RARB: variants seen among roughly 807,000 people sequenced by gnomAD.
RARB encodes the protein HBV-activated protein.
A neutral mutation model predicts 51.9 loss-of-function variants in RARB; 17 were observed. The ratio of observed to expected loss-of-function variants is 0.33; its 90% CI spans 0.22 to 0.49. The LOEUF is 0.49. RARB is among the 20% of genes least tolerant of loss of function. The pLI is 0.99. For synonymous variants in RARB, 215 were observed against 195.4 expected (o/e 1.10, Z -0.84); for missense variants, 369 against 550.8 (o/e 0.67, Z 3.30).
intron 5 of RARB, among the ~76,000 whole-genome samples, chr3:25,390,111 G>A (rs1006515938): frequency 3.3e-5 from 5 of 152,102 alleles, no homozygotes; most frequent in African/African-American, 4.8e-5. Context: ...CTTAATCACC[G>A]ATATGATGAC....
Position 24,900,601 on chromosome 3 carries a change from TTAA to T in RARB, c.-380+41854_-380+41856del, listed in dbSNP as rs151299294. Reference sequence around the variant, plus strand: ...CATGTTGGGCACAGTATTGTTTTGCTTAATAATTATCTAATTTGCCAAAGCTTG... The same window carrying T: ...CATGTTGGGCACAGTATTGTTTTGCTTAATTATCTAATTTGCCAAAGCTTG... On this transcript the variant is annotated intron_variant, in intron 2 of 11. Coordinates refer to the RARB transcript ENST00000383772. Among the ~76,000 whole-genome samples, 980 of 152,340 alleles carry T rather than the reference TTAA, an allele frequency of 6.4e-3. 11 individuals carry two copies. The highest frequency in any genetic ancestry group is 0.022 in the African/African-American group (913 of 41,582).
At chr3:24,886,871 T>C (rs111474243) in intron 2 of RARB, among the ~76,000 whole-genome samples, 2 of 152,348 alleles carry the variant, frequency 1.3e-5, no homozygotes, top group South Asian at 2.1e-4. Context: ...ATTAAGCTTT[T>C]AGGGTCCACA....
intron 5 of RARB, among the ~76,000 whole-genome samples, chr3:25,305,675 G>A (rs1176619488): frequency 1.3e-5 from 2 of 152,112 alleles, no homozygotes; most frequent in Non-Finnish European, 2.9e-5. Context: ...CCTGAGCCAT[G>A]GTGTCCACGA....
intron 5 of RARB, among the ~76,000 whole-genome samples, chr3:25,340,103 A>C (rs1705185754): frequency 6.6e-6 from 1 of 152,130 alleles, no homozygotes; most frequent in Non-Finnish European, 1.5e-5. Context: ...GATGAACATC[A>C]CTGATAGTAA....
At chr3:25,565,645 G>A (rs1405448356) in intron 3 of RARB, among the ~76,000 whole-genome samples, 2 of 152,136 alleles carry the variant, frequency 1.3e-5, no homozygotes, top group African/African-American at 4.8e-5. Context: ...CCACTGCGAT[G>A]GCTTCTCCAA....
In RARB at chr3:25,294,581, G is replaced by A. The variant is rs182596747; in HGVS notation, c.178+120006G>A. 5.1e-4 allele frequency among the ~76,000 whole-genome samples: 78 copies of A among 152,250 alleles called. 1 individual carries two copies. The highest frequency in any genetic ancestry group is 2.4e-3 in the Admixed American group (36 of 15,286). On this transcript the variant is annotated intron_variant, in intron 5 of 11. Transcript: ENST00000383772. ...GCTGAAGGGACTACAGGAAGAGATG[G>A]TGCTGTTGGAGGTTAAGATCTGGGG...
chr3:25,379,734 A>G (rs1050505079), intron 5 of RARB, among the ~76,000 whole-genome samples: 1 of 152,156 alleles, frequency 6.6e-6, no homozygotes, highest in Non-Finnish European at 1.5e-5. Flanking sequence ...GATCTGAGAC[A>G]TTGTTTATTT....
At chr3:25,590,402 C>G (rs534909379) in intron 5 of RARB, among the ~76,000 whole-genome samples, 4 of 152,186 alleles carry the variant, frequency 2.6e-5, no homozygotes, top group Non-Finnish European at 4.4e-5. Flanking sequence ...AGATCTCATG[C>G]ATTCATTTCT....
intron 5 of RARB, among the ~76,000 whole-genome samples, chr3:25,366,879 G>C (rs1022002878): frequency 1.3e-5 from 2 of 152,146 alleles, no homozygotes; most frequent in African/African-American, 4.8e-5. Flanking sequence ...ATTACTTGCA[G>C]AGTGGTGAAC....
At chr3:25,045,887 C>T (rs1340292840) in intron 2 of RARB, among the ~76,000 whole-genome samples, 1 of 152,148 alleles carries the variant, frequency 6.6e-6, no homozygotes, top group African/African-American at 2.4e-5. Context: ...GTTGTAAATA[C>T]AGTTAAATCA....
At chr3:24,998,259 C>A (rs1575111881) in intron 2 of RARB, among the ~76,000 whole-genome samples, 2 of 148,118 alleles carry the variant, frequency 1.4e-5, no homozygotes, top group South Asian at 4.3e-4. Context: ...TGGTTCACGG[C>A]CTTTTGACTT....
intron 5 of RARB, among the ~76,000 whole-genome samples, chr3:25,329,859 G>A (rs1042121657): frequency 2.6e-5 from 4 of 152,128 alleles, no homozygotes; most frequent in African/African-American, 4.8e-5. Context: ...CGAGAACTAC[G>A]TGATGCATGC....
At chr3:24,958,239 T>TTTGAAGCA (rs1432018690) in intron 2 of RARB, among the ~76,000 whole-genome samples, 50 of 139,694 alleles carry the variant, frequency 3.6e-4, no homozygotes, top group African/African-American at 1.2e-3. Flanking sequence ...GACCTGAAGC[T>TTTGAAGCA]TCCTGAGCTG....
At chr3:25,439,743 A>G (rs972843874) in intron 1 of RARB, among the ~76,000 whole-genome samples, 1 of 152,340 alleles carries the variant, frequency 6.6e-6, no homozygotes, top group African/African-American at 2.4e-5. Context: ...GAATTTTCAT[A>G]TACCGTATTC....
At position 24,933,505 on chromosome 3, in the gene RARB, C is replaced by A. The variant is rs78336199; in HGVS notation, c.-380+74753C>A. ...GTCAGGTTCTTTAGTGACTCTCGCC[C>A]TTCAGAGTTTTGCTTTTGCGGATCT... is the stretch of plus-strand genomic sequence containing the variant. On this transcript the variant is annotated intron_variant, in intron 2 of 11. Coordinates refer to the RARB transcript ENST00000383772. 6.6e-3 allele frequency among the ~76,000 whole-genome samples: 999 copies of A among 152,142 alleles called. 13 individuals carry two copies. Among genetic ancestry groups the A allele is most frequent in the East Asian group, 0.041 (213 of 5,156 alleles).
intron 3 of RARB, among the ~76,000 whole-genome samples, chr3:25,083,404 C>G (rs938474355): frequency 6.6e-6 from 1 of 151,524 alleles, no homozygotes; most frequent in African/African-American, 2.4e-5. Flanking sequence ...TCTCTGATCT[C>G]TTTTGGCATT....
At chr3:25,386,487 T>C (rs1706797710) in intron 5 of RARB, among the ~76,000 whole-genome samples, 1 of 152,226 alleles carries the variant, frequency 6.6e-6, no homozygotes, top group Admixed American at 6.5e-5. Flanking sequence ...TTTTTGCTTT[T>C]CTGGCTGCAG....
At chr3:25,035,286 T>A (rs954386404) in intron 2 of RARB, among the ~76,000 whole-genome samples, 1 of 152,014 alleles carries the variant, frequency 6.6e-6, no homozygotes, top group Admixed American at 6.6e-5. Flanking sequence ...CAACCCTGGA[T>A]AATTTTTGTA....
chr3:25,262,729 T>G (rs759519795), intron 5 of RARB, among the ~76,000 whole-genome samples: 18 of 152,210 alleles, frequency 1.2e-4, no homozygotes, highest in Non-Finnish European at 2.2e-4. Flanking sequence ...CTTCCTATCT[T>G]AAGGTCAGCC....
Sources: gnomAD v4.1 joint callset for allele counts (sites outside exome capture counted in the v4.1 genomes callset) on GRCh38, gnomAD v4.1.1 for gene constraint, MANE v1.5 for transcripts, NCBI Gene and HGNC (gene_info 2026-07-23, HGNC 2026-07-21) for gene names.